Variants in MEGF10 observed in about 807,000 individuals in gnomAD.
The protein encoded by MEGF10 is multiple epidermal growth factor-like domains protein 10.
Under a neutral mutation model 147.5 loss-of-function variants are expected in MEGF10, and 86 were observed. The observed-to-expected ratio is 0.58, with a 90% CI of 0.49 to 0.70. The LOEUF (loss-of-function observed/expected upper bound fraction) is 0.70, where lower values mean the gene tolerates loss of function less well. Among genes scored for constraint, MEGF10 ranks in the 30% least tolerant of loss-of-function variants. MEGF10 has a pLI of 0.00. For missense variants in MEGF10, 1,329 were observed against 1,487.3 expected, an observed-to-expected ratio of 0.89 and a Z score of 1.75; for synonymous variants, 478 against 525.5, an observed-to-expected ratio of 0.91 and a Z score of 1.24.
At chr5:127,373,300 T>A (rs1433158431) in intron 5 of MEGF10, among the ~76,000 whole-genome samples, 1 of 152,090 alleles carries the variant, frequency 6.6e-6, no homozygotes, top group Non-Finnish European at 1.5e-5. Flanking sequence ...TACAGGCATG[T>A]GCCACCACAC....
At chr5:127,366,488 C>G (rs1477524950) in intron 4 of MEGF10, among the ~76,000 whole-genome samples, 2 of 152,198 alleles carry the variant, frequency 1.3e-5, no homozygotes, top group African/African-American at 4.8e-5. Flanking sequence ...TGCCTTTAGG[C>G]ATCAATGCTC....
Position 127,433,348 on chromosome 5 carries a change from T to A in MEGF10, c.1694-15T>A. The A allele has an allele frequency of 4.3e-6, 7 of 1,614,194 alleles. No individual in the cohort carries two copies. Among genetic ancestry groups the A allele is most frequent in the Non-Finnish European group, 5.9e-6 (7 of 1,180,026 alleles). On this transcript the variant is annotated splice_polypyrimidine_tract_variant and intron_variant, in intron 13 of 24. Coordinates refer to ENST00000503335, the MANE Select transcript of MEGF10 (RefSeq NM_001256545.2). Reference sequence around the variant, plus strand: ...CTGCCTCTCACTCAGCCTTGCCCCATGTGCATTATTTCAGGTGTCCACTGT... The same window carrying A: ...CTGCCTCTCACTCAGCCTTGCCCCAAGTGCATTATTTCAGGTGTCCACTGT...
chr5:127,409,302 T>G (rs1021707405), intron 8 of MEGF10, among the ~76,000 whole-genome samples: 2 of 152,244 alleles, frequency 1.3e-5, no homozygotes, highest in African/African-American at 4.8e-5. Flanking sequence ...CCTACATTTC[T>G]GACTCTGGTT....
At chr5:127,440,700 G>A (rs931484325) in intron 17 of MEGF10, 39 bp from the exon 18 acceptor site, 18 of 1,606,476 alleles carry the variant, frequency 1.1e-5, no homozygotes, top group Non-Finnish European at 1.4e-5. Context: ...TTTCTCTTCA[G>A]CAGCCTCTTG....
chr5:127,238,857 C>T, the MEGF10 span, among the ~76,000 whole-genome samples: 2 of 152,214 alleles, frequency 1.3e-5, no homozygotes, highest in East Asian at 3.9e-4. Context: ...TTATATTTTG[C>T]AGTCCTTGTC....
intron 5 of MEGF10, among the ~76,000 whole-genome samples, chr5:127,380,721 G>A (rs1050155850): frequency 6.6e-6 from 1 of 152,094 alleles, no homozygotes; most frequent in Admixed American, 6.5e-5. Context: ...GTTTCACCAT[G>A]TTGGCCAGTC....
chr5:127,259,779 G>A, the MEGF10 span, among the ~76,000 whole-genome samples: 5 of 152,098 alleles, frequency 3.3e-5, no homozygotes, highest in Middle Eastern at 3.4e-3. Flanking sequence ...GGTATTTCAG[G>A]GTGTCAGTTA....
intron 16 of MEGF10, among the ~76,000 whole-genome samples, chr5:127,436,956 G>T (rs1765570069): frequency 6.6e-6 from 1 of 152,164 alleles, no homozygotes; most frequent in Admixed American, 6.5e-5. Flanking sequence ...TTGGGAAAAT[G>T]ATTTTTTAAA....
At chr5:127,302,567 A>T (rs1759821037) in intron 1 of MEGF10, among the ~76,000 whole-genome samples, 1 of 152,228 alleles carries the variant, frequency 6.6e-6, no homozygotes. Flanking sequence ...TGGTTGCACA[A>T]CAGGGTTAAA....
intron 7 of MEGF10, among the ~76,000 whole-genome samples, chr5:127,400,949 C>T (rs1251901547): frequency 6.6e-6 from 1 of 152,178 alleles, no homozygotes; most frequent in East Asian, 1.9e-4. Context: ...AGGTGCTTTT[C>T]AAAGATGAAT....
rs1053951883 is a variant in MEGF10, at chr5:127,460,613, A to G, written c.*3295A>G. On this transcript the variant is annotated 3_prime_UTR_variant, in exon 25 of 25. Coordinates refer to ENST00000503335, the MANE Select transcript of MEGF10 (RefSeq NM_001256545.2). ...CCCCAAAGAGCCACAGTAGCTGTCA[A>G]TTATTGAGATTTTTAAATGGTAAAT... The G allele has an allele frequency of 3.3e-5, 5 of 152,188 alleles. No homozygotes were observed. Among genetic ancestry groups the G allele is most frequent in the African/African-American group, 1.2e-4 (5 of 41,454 alleles). The allele number at this position is 152,188 out of a possible 1,614,324, so 9.4% of individuals were successfully genotyped here.
intron 5 of MEGF10, among the ~76,000 whole-genome samples, chr5:127,388,411 A>G (rs984604208): frequency 3.3e-5 from 5 of 151,986 alleles, no homozygotes; most frequent in African/African-American, 9.7e-5. Context: ...AGCCTCCCAA[A>G]GTGCTGGAAT....
chr5:127,305,333 G>A (rs946108459), intron 1 of MEGF10, among the ~76,000 whole-genome samples: 1 of 152,192 alleles, frequency 6.6e-6, no homozygotes, highest in African/African-American at 2.4e-5. Context: ...CCTCATAGCT[G>A]TGTGTTCATA....
At chr5:127,325,337 G>C (rs1032693672) in intron 1 of MEGF10, among the ~76,000 whole-genome samples, 1 of 152,144 alleles carries the variant, frequency 6.6e-6, no homozygotes, top group African/African-American at 2.4e-5. Context: ...CAAGTCACAG[G>C]AGTTGCCATA....
chr5:127,397,619 G>A (rs960437996), intron 6 of MEGF10, among the ~76,000 whole-genome samples: 3 of 152,124 alleles, frequency 2.0e-5, no homozygotes, highest in Non-Finnish European at 2.9e-5. Flanking sequence ...AGTGTTAAAC[G>A]CCTGTAGAGT....
chr5:127,436,806 A>T (rs1205300815), intron 16 of MEGF10, among the ~76,000 whole-genome samples: 1 of 152,192 alleles, frequency 6.6e-6, no homozygotes, highest in Non-Finnish European at 1.5e-5. Flanking sequence ...GATTTCATTG[A>T]TTCCCTTATG....
the MEGF10 span, among the ~76,000 whole-genome samples, chr5:127,236,500 C>T: frequency 6.6e-6 from 1 of 152,186 alleles, no homozygotes; most frequent in Admixed American, 6.5e-5. Context: ...CACTCCAAAT[C>T]CTTTGGCTTG....
intron 6 of MEGF10, 76 bp from the exon 7 acceptor site, chr5:127,398,600 G>A: frequency 6.4e-7 from 1 of 1,562,234 alleles, no homozygotes; most frequent in Non-Finnish European, 8.8e-7. Flanking sequence ...CTATTTTGGG[G>A]ACCCTGGGTA....
chr5:127,362,992 A>G (rs368046621), intron 4 of MEGF10, among the ~76,000 whole-genome samples: 3 of 152,156 alleles, frequency 2.0e-5, no homozygotes, highest in East Asian at 3.9e-4. Flanking sequence ...CTGTTCTCAC[A>G]TTGTAATTTG....
Sources: gnomAD v4.1 joint callset for allele counts (sites outside exome capture counted in the v4.1 genomes callset) on GRCh38, gnomAD v4.1.1 for gene constraint, MANE v1.5 for transcripts, NCBI Gene and HGNC (gene_info 2026-07-23, HGNC 2026-07-21) for gene names.